SMOC2: variants seen among roughly 807,000 people sequenced by gnomAD.
The protein encoded by SMOC2 is SPARC related modular calcium binding 2.
Under a neutral mutation model 61.4 loss-of-function variants are expected in SMOC2, and 39 were observed. The observed-to-expected ratio is 0.64, with a 90% CI of 0.49 to 0.83. The LOEUF (loss-of-function observed/expected upper bound fraction) is 0.83. Among genes scored for constraint, SMOC2 ranks in the 40% least tolerant of loss-of-function variants. The pLI is 0.00. For missense variants in SMOC2, 556 were observed against 592.9 expected, an observed-to-expected ratio of 0.94 and a Z score of 0.65; for synonymous variants, 247 against 239.9, an observed-to-expected ratio of 1.03 and a Z score of -0.27.
At chr6:168,628,095 G>A (rs1483794558) in intron 9 of SMOC2, among the ~76,000 whole-genome samples, 1 of 152,150 alleles carries the variant, frequency 6.6e-6, no homozygotes, top group Non-Finnish European at 1.5e-5. Flanking sequence ...TGCCTTCCTT[G>A]GCCTCCCTGG....
At chr6:168,646,280 G>T (rs189540828) in intron 9 of SMOC2, among the ~76,000 whole-genome samples, 165 of 152,268 alleles carry the variant, frequency 1.1e-3, no homozygotes, top group African/African-American at 3.9e-3. Context: ...CCAGACCCAC[G>T]ATTGTGCCAG....
At chr6:168,595,967 T>C (rs1179222383) in intron 7 of SMOC2, among the ~76,000 whole-genome samples, 1 of 152,270 alleles carries the variant, frequency 6.6e-6, no homozygotes, top group Non-Finnish European at 1.5e-5. Flanking sequence ...TTCTGTGCAC[T>C]AATAAAATTT....
chr6:168,467,136 A>AACACACACACAC (rs10536582), intron 1 of SMOC2, among the ~76,000 whole-genome samples: 1,335 of 133,390 alleles, frequency 0.01, 13 homozygotes, highest in African/African-American at 0.014. Flanking sequence ...AGTGCTCTCA[A>AACACACACACAC]ACACACACAC....
chr6:168,555,169 G>A (rs923061752), intron 7 of SMOC2, among the ~76,000 whole-genome samples: 3 of 152,282 alleles, frequency 2.0e-5, no homozygotes, highest in Admixed American at 2.0e-4. Context: ...TTCCTTCTTC[G>A]GTAACATGTC....
intron 11 of SMOC2, among the ~76,000 whole-genome samples, chr6:168,653,693 C>G (rs9294909): frequency 0.42 from 18,641 of 44,762 alleles, 1,723 homozygotes; most frequent in East Asian, 0.58. Context: ...CACCAACCCT[C>G]TACCTGAGCT....
At chr6:168,550,832 A>G (rs1443883633) in intron 7 of SMOC2, among the ~76,000 whole-genome samples, 1 of 152,148 alleles carries the variant, frequency 6.6e-6, no homozygotes, top group Non-Finnish European at 1.5e-5. Context: ...AACTTTTGAC[A>G]CTGGGTTTTG....
chr6:168,494,100 G>A (rs1283251950), intron 1 of SMOC2, among the ~76,000 whole-genome samples: 3 of 152,110 alleles, frequency 2.0e-5, no homozygotes, highest in Non-Finnish European at 2.9e-5. Context: ...ATTATTCCAG[G>A]CATATTGGTC....
At chr6:168,581,219 T>A (rs1478535789) in intron 7 of SMOC2, among the ~76,000 whole-genome samples, 1 of 152,236 alleles carries the variant, frequency 6.6e-6, no homozygotes, top group East Asian at 1.9e-4. Context: ...TCTTTGATCA[T>A]CTTATTTAAA....
At chr6:168,599,103 C>G (rs1483976394) in intron 8 of SMOC2, 99 bp downstream of exon 8, 12 of 1,040,816 alleles carry the variant, frequency 1.2e-5, no homozygotes, top group Non-Finnish European at 1.6e-5. Context: ...CACACCGACA[C>G]ACAGTCACAC....
In SMOC2 at chr6:168,441,540, GC is replaced by G. The variant is rs578196590; in HGVS notation, c.84+89del. ...TTCGGGTCCCCGCGCCCCGCTCCAGGCCCAGGCGCCTGGGCACGGGGAGCAG... is the reference window on the plus strand; with the variant it reads ...TTCGGGTCCCCGCGCCCCGCTCCAGGCCAGGCGCCTGGGCACGGGGAGCAG... On this transcript the variant is annotated intron_variant, in intron 1 of 12. Coordinates refer to ENST00000356284, the MANE Select transcript of SMOC2 (RefSeq NM_001166412.2). The G allele has an allele frequency of 1.4e-3, 1,867 of 1,370,878 alleles. 2 individuals carry two copies. Among genetic ancestry groups the G allele is most frequent in the Non-Finnish European group, 1.6e-3 (1,707 of 1,068,878 alleles). 84.9% of individuals were successfully genotyped at this position (1,370,878 alleles called of 1,614,324 possible). A position where few individuals can be genotyped will look rare whatever the true frequency, so the allele number is the denominator to read the frequency against.
intron 7 of SMOC2, among the ~76,000 whole-genome samples, chr6:168,589,730 G>A (rs865900875): frequency 2.0e-4 from 18 of 90,768 alleles, no homozygotes; most frequent in East Asian, 6.0e-4. Flanking sequence ...GGGGGCAGCC[G>A]GCCTGGTGGT....
intron 11 of SMOC2, among the ~76,000 whole-genome samples, chr6:168,659,691 AGGGTGAGGGTGGAGGTTGTAGGCTGAGTG>A (rs1787443175): frequency 1.5e-4 from 14 of 94,904 alleles, no homozygotes; most frequent in East Asian, 7.3e-4. Flanking sequence ...GGTTGTAGGT[AGGGTGAGGGTGGAGGTTGTAGGCTGAGTG>A]AGGGTGGAGG....
At chr6:168,578,655 T>C (rs575434275) in intron 7 of SMOC2, among the ~76,000 whole-genome samples, 29 of 152,342 alleles carry the variant, frequency 1.9e-4, no homozygotes, top group Non-Finnish European at 3.8e-4. Flanking sequence ...AGAAGAATTC[T>C]ACACACGGGT....
At chr6:168,557,687 C>A (rs560339099) in intron 7 of SMOC2, among the ~76,000 whole-genome samples, 1 of 152,242 alleles carries the variant, frequency 6.6e-6, no homozygotes, top group South Asian at 2.1e-4. Flanking sequence ...TCACTAGTTG[C>A]TCATGGGTCT....
intron 9 of SMOC2, among the ~76,000 whole-genome samples, chr6:168,636,993 G>A (rs979047788): frequency 4.4e-5 from 6 of 136,284 alleles, no homozygotes; most frequent in East Asian, 2.2e-4. Flanking sequence ...CCCTCCTCCC[G>A]CCTCCCTCAC....
At chr6:168,581,801 C>T (rs1200666489) in intron 7 of SMOC2, among the ~76,000 whole-genome samples, 1 of 152,212 alleles carries the variant, frequency 6.6e-6, no homozygotes, top group African/African-American at 2.4e-5. Flanking sequence ...CCCCCCTCCC[C>T]TCCCTTCCTC....
At chr6:168,584,210 A>C (rs1253300752) in intron 7 of SMOC2, among the ~76,000 whole-genome samples, 3 of 152,260 alleles carry the variant, frequency 2.0e-5, no homozygotes, top group African/African-American at 7.2e-5. Context: ...CAGGTATTAC[A>C]GTCGGCTGGA....
chr6:168,526,552 A>C (rs1783459790), intron 3 of SMOC2, 100 bp downstream of exon 3: 1 of 911,464 alleles, frequency 1.1e-6, no homozygotes, highest in Non-Finnish European at 1.8e-6. Context: ...CGAACAGAAG[A>C]AGCAGCGGGT....
At chr6:168,521,961 A>G (rs911261269) in intron 2 of SMOC2, among the ~76,000 whole-genome samples, 1 of 152,232 alleles carries the variant, frequency 6.6e-6, no homozygotes, top group Non-Finnish European at 1.5e-5. Flanking sequence ...GGTAAGAGCA[A>G]ACATTTTCTA....
Sources: gnomAD v4.1 joint callset for allele counts (sites outside exome capture counted in the v4.1 genomes callset) on GRCh38, gnomAD v4.1.1 for gene constraint, MANE v1.5 for transcripts, NCBI Gene and HGNC (gene_info 2026-07-23, HGNC 2026-07-21) for gene names.